AHR: variants seen among roughly 807,000 people sequenced by gnomAD.
The protein encoded by AHR is AH-receptor.
In AHR, 40 loss-of-function variants were observed where a neutral mutation model predicts 86.8. The observed-to-expected ratio is 0.46, with a 90% confidence interval of 0.36 to 0.60. The LOEUF (loss-of-function observed/expected upper bound fraction) is 0.60, where lower values mean the gene tolerates loss of function less well. Ranked by LOEUF, AHR falls within the 20% of genes least tolerant of loss-of-function variation. AHR has a pLI of 0.00. For missense variants in AHR, 1,001 were observed against 1,011.6 expected (o/e 0.99, Z 0.14); for synonymous variants, 398 against 354.9 (o/e 1.12, Z -1.37).
Position 17,340,144 on chromosome 7 carries a change from G to T in AHR, c.2319G>T (p.Gln773His), listed in dbSNP as rs377432596. Residue 773 changes from glutamine (Q) to histidine (H), a missense_variant, in exon 10 of 11, where the codon CAG becomes CAT. By Grantham distance (24) the Gln-to-His change is conservative (BLOSUM62 0). Coordinates refer to ENST00000242057, the MANE Select transcript of AHR (RefSeq NM_001621.5). ...ATGCTGGGGCCGTGTCGATGTATCAGTGCCAGCCAGAACCTCAGCACACCC... is the reference window on the plus strand; with the variant it reads ...ATGCTGGGGCCGTGTCGATGTATCATTGCCAGCCAGAACCTCAGCACACCC... ...TCYAGAVSMYQCQPEPQHTHV... is the reference protein window; with the variant it reads ...TCYAGAVSMYHCQPEPQHTHV... The T allele has an allele frequency of 6.2e-7, 1 of 1,614,202 alleles. No individual in the cohort carries two copies. Among genetic ancestry groups the T allele is most frequent in the South Asian group, 1.1e-5 (1 of 91,088 alleles).
rs575830638 is a variant in AHR, at chr7:17,309,026, C to A, written c.66-910C>A. 2.8e-3 allele frequency among the ~76,000 whole-genome samples: 422 copies of A among 152,204 alleles called. 4 individuals carry two copies. Among genetic ancestry groups the A allele is most frequent in the African/African-American group, 9.6e-3 (398 of 41,520 alleles). On this transcript the variant is annotated intron_variant, in intron 1 of 10. Coordinates refer to ENST00000242057, the MANE Select transcript of AHR (RefSeq NM_001621.5). ...AAATTACTTTAGTTTCCCAGTTCAG[C>A]GTGGGTATCTGATGATTTTTAAATT...
chr7:17,337,631 C>G (rs531258564), intron 9 of AHR, among the ~76,000 whole-genome samples: 4 of 151,568 alleles, frequency 2.6e-5, no homozygotes. Flanking sequence ...CCCGCCACTA[C>G]GCCCGGCTAA....
chr7:17,306,805 T>C (rs1336736898), intron 1 of AHR, among the ~76,000 whole-genome samples: 2 of 152,142 alleles, frequency 1.3e-5, no homozygotes, highest in African/African-American at 4.8e-5. Flanking sequence ...TAAATCTCTC[T>C]TCAAGCCAGT....
In AHR at chr7:17,339,655, C is replaced by A. The variant is rs1782397272; in HGVS notation, c.1830C>A (p.Ser610Arg). ...AACAGTCCTTGGCTCTGAACTCAAG[C>A]TGTATGGTACAGGAACACCTACATC... ...QQQQSLALNSSCMVQEHLHLE... is the reference protein window; with the variant it reads ...QQQQSLALNSRCMVQEHLHLE... Residue 610 changes from serine (S) to arginine (R), a missense_variant, in exon 10 of 11, where the codon AGC becomes AGA. By Grantham distance (110) the Ser-to-Arg change is moderately radical. This residue lies in a region of AHR where 607 missense variants were observed against 543.1 expected (regional missense o/e 1.12). Coordinates refer to ENST00000242057, the MANE Select transcript of AHR (RefSeq NM_001621.5). The A allele has an allele frequency of 6.2e-7, 1 of 1,614,084 alleles. No individual in the cohort carries two copies. Among genetic ancestry groups the A allele is most frequent in the South Asian group, 1.1e-5 (1 of 91,082 alleles).
intron 2 of AHR, among the ~76,000 whole-genome samples, chr7:17,320,853 T>C (rs185244674): frequency 1.5e-4 from 23 of 152,124 alleles, no homozygotes; most frequent in Non-Finnish European, 2.9e-4. Context: ...CTTTTGAAGT[T>C]ACATTCAGAG....
chr7:17,328,997 A>T (rs1782257246), intron 4 of AHR, among the ~76,000 whole-genome samples: 1 of 151,942 alleles, frequency 6.6e-6, no homozygotes, highest in Non-Finnish European at 1.5e-5. Flanking sequence ...GTATTATATA[A>T]CTGTCTTAAT....
At chr7:17,319,044 G>A (rs1782143921) in intron 2 of AHR, among the ~76,000 whole-genome samples, 1 of 152,098 alleles carries the variant, frequency 6.6e-6, no homozygotes, top group South Asian at 2.1e-4. Flanking sequence ...TCAAACCCAT[G>A]TTGTTCAAGG....
At chr7:17,317,104 G>A (rs1296220473) in intron 2 of AHR, among the ~76,000 whole-genome samples, 3 of 135,402 alleles carry the variant, frequency 2.2e-5, no homozygotes, top group African/African-American at 8.3e-5. Flanking sequence ...ACTTGTTTTA[G>A]TGGAGAATTT....
intron 3 of AHR, among the ~76,000 whole-genome samples, chr7:17,324,614 A>G (rs1004554381): frequency 6.6e-6 from 1 of 152,188 alleles, no homozygotes; most frequent in African/African-American, 2.4e-5. Flanking sequence ...CAGCCTGGCC[A>G]ACATAGGGAA....
At chr7:17,321,133 G>T (rs1419534550) in intron 2 of AHR, among the ~76,000 whole-genome samples, 1 of 152,090 alleles carries the variant, frequency 6.6e-6, no homozygotes, top group African/African-American at 2.4e-5. Context: ...GCCAGAGTCA[G>T]TTTTATTTAA....
At chr7:17,307,232 C>G (rs1584029680) in intron 1 of AHR, among the ~76,000 whole-genome samples, 1 of 147,706 alleles carries the variant, frequency 6.8e-6, no homozygotes, top group African/African-American at 2.4e-5. Context: ...GTTTGTGTCA[C>G]TCTCTTCTCT....
chr7:17,341,744 C>T (rs374385644), intron 10 of AHR, among the ~76,000 whole-genome samples: 6 of 151,730 alleles, frequency 4.0e-5, no homozygotes, highest in African/African-American at 1.2e-4. Flanking sequence ...TTTCAGTAGC[C>T]GCATTACAAA....
intron 1 of AHR, among the ~76,000 whole-genome samples, chr7:17,304,982 T>C (rs911400946): frequency 2.6e-5 from 4 of 152,066 alleles, no homozygotes; most frequent in Admixed American, 6.6e-5. Context: ...CTAGTAGTGG[T>C]TTCTAGGCCA....
At chr7:17,335,971 C>A in intron 9 of AHR, 185 bp downstream of exon 9, 1 of 572,360 alleles carries the variant, frequency 1.7e-6, no homozygotes, top group Non-Finnish European at 3.0e-6. Flanking sequence ...TGATTGAGAG[C>A]TACATGTGCA....
Position 17,340,019 on chromosome 7 carries a change from A to T in AHR, c.2194A>T (p.Thr732Ser). The change falls in exon 10 of 11, where the codon ACT becomes TCT. Residue 732 changes from threonine to serine, a missense_variant. Around this residue, in one of 2 missense-constraint regions of AHR, gnomAD observed 607 missense variants for 543.1 expected, o/e 1.12. Coordinates refer to ENST00000242057, the MANE Select transcript of AHR (RefSeq NM_001621.5). ...GSFEPSPYPT[T>S]SSLEDFVTCL... ...TTTTGAACCATCCCCATACCCCACT[A>T]CTTCTAGTTTAGAAGATTTTGTCAC... is the stretch of plus-strand genomic sequence containing the variant. 6.2e-7 allele frequency: 1 copy of T among 1,614,136 alleles called. No individual in the cohort carries two copies. Among genetic ancestry groups the T allele is most frequent in the Non-Finnish European group, 8.5e-7 (1 of 1,180,014 alleles).
At chr7:17,322,929 A>G (rs1026499267) in intron 3 of AHR, among the ~76,000 whole-genome samples, 5 of 152,220 alleles carry the variant, frequency 3.3e-5, no homozygotes, top group African/African-American at 9.6e-5. Context: ...AGTATTCAGT[A>G]TAGTAACATG....
chr7:17,340,119 A>G lies in AHR; in HGVS notation c.2294A>G (p.Tyr765Cys). 6 of 1,614,232 alleles carry G rather than the reference A, an allele frequency of 3.7e-6. No homozygotes were observed. Among genetic ancestry groups the G allele is most frequent in the African/African-American group, 1.3e-5 (1 of 75,058 alleles). Residue 765 changes from tyrosine (Y) to cysteine (C), a missense_variant, in exon 10 of 11, where the codon TAT (tyrosine) becomes TGT (cysteine). Tyr to Cys is a radical substitution (Grantham distance 194). This residue lies in a region of AHR where 607 missense variants were observed against 543.1 expected (regional missense o/e 1.12). Transcript: ENST00000242057. ...GCCATAATAACTCCTCAGACATGTT[A>G]TGCTGGGGCCGTGTCGATGTATCAG... Reference protein sequence around the residue: ...QSAIITPQTCYAGAVSMYQCQ... With the variant: ...QSAIITPQTCCAGAVSMYQCQ...
At chr7:17,331,785 T>C (rs1344057385) in intron 6 of AHR, among the ~76,000 whole-genome samples, 1 of 151,994 alleles carries the variant, frequency 6.6e-6, no homozygotes, top group African/African-American at 2.4e-5. Context: ...TCTCATTGTA[T>C]CCTTAGCTCA....
intron 1 of AHR, among the ~76,000 whole-genome samples, chr7:17,303,387 A>G (rs1781973441): frequency 6.6e-6 from 1 of 152,094 alleles, no homozygotes; most frequent in Non-Finnish European, 1.5e-5. Context: ...AGATTCAGTG[A>G]TGCATACAGT....
Sources: gnomAD v4.1 joint callset for allele counts (sites outside exome capture counted in the v4.1 genomes callset) on GRCh38, gnomAD v4.1.1 for gene constraint, gnomAD v4.1.1 regional missense constraint, MANE v1.5 for transcripts, NCBI Gene and HGNC (gene_info 2026-07-23, HGNC 2026-07-21) for gene names.